The following CLEC2D variants were observed in gnomAD, a reference collection of about 807,000 sequenced individuals.
CLEC2D encodes the protein C-type lectin related f.
CLEC2D carries 16 observed loss-of-function variants against 20.0 expected under a neutral mutation model. The ratio of observed to expected loss-of-function variants is 0.80; its 90% CI spans 0.54 to 1.22. The LOEUF is 1.22. Ranked by LOEUF, CLEC2D falls within the 50% of genes most tolerant of loss-of-function variation. The pLI is 0.00. For missense variants in CLEC2D, 207 were observed against 221.5 expected (o/e 0.93, Z 0.42); for synonymous variants, 77 against 71.1 (o/e 1.08, Z -0.42).
intron 1 of CLEC2D, among the ~76,000 whole-genome samples, chr12:9,672,997 T>C (rs1865453603): frequency 6.6e-6 from 1 of 152,148 alleles, no homozygotes; most frequent in African/African-American, 2.4e-5. Flanking sequence ...TTCTTTGCAT[T>C]GGGTTAGAAC....
At position 9,696,818 on chromosome 12, in the gene CLEC2D, A is replaced by C. The variant is rs953926261; in HGVS notation, c.*1944A>C. The C allele has an allele frequency of 1.3e-5, 2 of 152,206 alleles. 1 individual carries two copies. Among genetic ancestry groups the C allele is most frequent in the South Asian group, 4.1e-4 (2 of 4,826 alleles). 9.4% of individuals were successfully genotyped at this position (152,206 alleles called of 1,614,324 possible). On this transcript the variant is annotated 3_prime_UTR_variant, in exon 5 of 5. Transcript: ENST00000290855. ...CGTCATGGAGGTTCCTAAAGAAATT[A>C]AAAAGAGAACTACCATATGAGCCAG...
chr12:9,669,834 G>C (rs1865371697), intron 1 of CLEC2D, 39 bp downstream of exon 1: 1 of 1,509,410 alleles, frequency 6.6e-7, no homozygotes, highest in Non-Finnish European at 9.2e-7. Flanking sequence ...GTGAGGACTG[G>C]AATGGGAAGG....
At chr12:9,688,293 A>G in intron 3 of CLEC2D, 1 of 1,026,168 alleles carries the variant, frequency 9.7e-7, no homozygotes, top group Non-Finnish European at 1.2e-6. Flanking sequence ...CGTGGCAGGA[A>G]CAGGCCCAGA....
intron 3 of CLEC2D, among the ~76,000 whole-genome samples, chr12:9,689,559 T>C (rs1455101818): frequency 1.3e-5 from 2 of 152,060 alleles, no homozygotes; most frequent in Non-Finnish European, 2.9e-5. Flanking sequence ...AAATCAGCTG[T>C]CTTAAGTATA....
At chr12:9,679,073 C>A (rs771314293) in intron 1 of CLEC2D, among the ~76,000 whole-genome samples, 164 of 152,204 alleles carry the variant, frequency 1.1e-3, no homozygotes, top group African/African-American at 3.9e-3. Flanking sequence ...CTGCTTTTAT[C>A]CCATGTGTCA....
intron 3 of CLEC2D, among the ~76,000 whole-genome samples, chr12:9,691,985 A>G (rs12825507): frequency 0.059 from 9,043 of 152,328 alleles, 315 homozygotes; most frequent in Non-Finnish European, 0.084. Context: ...TTGTAATCAT[A>G]AAAAGGACAG....
intron 3 of CLEC2D, among the ~76,000 whole-genome samples, chr12:9,692,127 C>T (rs746974878): frequency 4.7e-5 from 7 of 149,216 alleles, no homozygotes; most frequent in South Asian, 2.1e-4. Context: ...CTCTTTCTTT[C>T]GTTCGTTCGT....
At chr12:9,681,745 C>T (rs1306786795) in intron 2 of CLEC2D, among the ~76,000 whole-genome samples, 6 of 152,170 alleles carry the variant, frequency 3.9e-5, no homozygotes, top group Admixed American at 6.5e-5. Flanking sequence ...TCAAATACTG[C>T]TTACGTAACT....
chr12:9,688,121 A>G (rs768354620), intron 3 of CLEC2D, 35 bp downstream of exon 3: 2 of 1,519,898 alleles, frequency 1.3e-6, no homozygotes, highest in South Asian at 2.7e-5. Flanking sequence ...TCAAAGATTC[A>G]GCCCTACAAG....
intron 4 of CLEC2D, chr12:9,693,175 T>C (rs1011506743): frequency 5.0e-6 from 6 of 1,206,094 alleles, no homozygotes; most frequent in African/African-American, 1.5e-5. Flanking sequence ...TCAAACACTT[T>C]CATTTTAAGC....
At chr12:9,675,074 TA>T (rs1446224805) in intron 1 of CLEC2D, among the ~76,000 whole-genome samples, 2 of 152,228 alleles carry the variant, frequency 1.3e-5, no homozygotes. Context: ...TGTCTTTTCT[TA>T]ATTGTATTGC....
At chr12:9,691,732 T>C (rs1865867271) in intron 3 of CLEC2D, among the ~76,000 whole-genome samples, 1 of 152,008 alleles carries the variant, frequency 6.6e-6, no homozygotes, top group Non-Finnish European at 1.5e-5. Flanking sequence ...AAATAGCACG[T>C]TTATGGTATA....
rs779014085 is a variant in CLEC2D, at chr12:9,669,739, A to C, written c.5A>C (p.His2Pro). 6.2e-7 allele frequency: 1 copy of C among 1,613,372 alleles called. No individual in the cohort carries two copies. Among genetic ancestry groups the C allele is most frequent in the Non-Finnish European group, 8.5e-7 (1 of 1,179,442 alleles). Residue 2 changes from histidine to proline, a missense_variant, in exon 1 of 5, where the codon CAT becomes CCT. By Grantham distance (77) the His-to-Pro change is moderately conservative. Coordinates refer to ENST00000290855, the MANE Select transcript of CLEC2D (RefSeq NM_013269.6). M[H>P]DSNNVEKDIT... ...CTCATAGAAACTGGAGGCAAAATGC[A>C]TGACAGTAACAATGTGGAGAAAGAC...
In CLEC2D at chr12:9,699,038, C is replaced by T. The variant is rs1866066324; in HGVS notation, c.*4164C>T. The T allele has an allele frequency of 6.6e-6, 1 of 152,188 alleles. No homozygotes were observed. The highest frequency in any genetic ancestry group is 1.5e-5 in the Non-Finnish European group (1 of 68,040). The allele number at this position is 152,188 out of a possible 1,614,324, so 9.4% of individuals were successfully genotyped here. Reference sequence around the variant, plus strand: ...AACCCACCTGGATAGATTTTTCTCACAAACCATTGTCTTCTCTGCAAGCCC... The same window carrying T: ...AACCCACCTGGATAGATTTTTCTCATAAACCATTGTCTTCTCTGCAAGCCC... On this transcript the variant is annotated 3_prime_UTR_variant, in exon 5 of 5. Coordinates refer to ENST00000290855, the MANE Select transcript of CLEC2D (RefSeq NM_013269.6).
At chr12:9,681,211 CATT>C (rs1408185018) in intron 2 of CLEC2D, among the ~76,000 whole-genome samples, 178 bp downstream of exon 2, 6 of 152,216 alleles carry the variant, frequency 3.9e-5, no homozygotes, top group South Asian at 4.1e-4. Flanking sequence ...ATAGGGTTCA[CATT>C]ATTCCAAGTT....
At chr12:9,683,322 GTTTTT>G (rs1226655704) in intron 2 of CLEC2D, among the ~76,000 whole-genome samples, 1 of 80,880 alleles carries the variant, frequency 1.2e-5, no homozygotes, top group Admixed American at 1.2e-4. Flanking sequence ...ATGATAGTTT[GTTTTT>G]TGTGTTTGTT....
At chr12:9,693,773 A>G in intron 4 of CLEC2D, 1 of 435,494 alleles carries the variant, frequency 2.3e-6, no homozygotes, top group Admixed American at 2.6e-5. Context: ...GAAGTAGTAA[A>G]TTTTCTCTAC....
chr12:9,671,441 C>G (rs1206088595), intron 1 of CLEC2D, among the ~76,000 whole-genome samples: 2 of 152,134 alleles, frequency 1.3e-5, no homozygotes, highest in African/African-American at 2.4e-5. Context: ...AGGATGGTCT[C>G]GATCTCCTGA....
At chr12:9,693,380 G>A (rs1429617645) in intron 4 of CLEC2D, 1 of 300,100 alleles carries the variant, frequency 3.3e-6, no homozygotes, top group Non-Finnish European at 6.1e-6. Flanking sequence ...GTAAAGTTTG[G>A]CACTAGAAAA....
Sources: gnomAD v4.1 joint callset for allele counts (sites outside exome capture counted in the v4.1 genomes callset) on GRCh38, gnomAD v4.1.1 for gene constraint, MANE v1.5 for transcripts, NCBI Gene and HGNC (gene_info 2026-07-23, HGNC 2026-07-21) for gene names.